ARPC2: variants seen among roughly 807,000 people sequenced by gnomAD.
The protein encoded by ARPC2 is actin-related protein 2/3 complex subunit 2.
ARPC2 carries 4 observed loss-of-function variants against 38.6 expected under a neutral mutation model. That is an observed-to-expected ratio of 0.10 (90% CI 0.05 to 0.24). ARPC2 has a LOEUF of 0.24. Among genes scored for constraint, ARPC2 ranks in the 10% least tolerant of loss-of-function variants. The probability of loss-of-function intolerance (pLI) is 1.00; values close to 1 mark genes in which losing one functional copy is unlikely to be tolerated. For synonymous variants in ARPC2, 125 were observed against 140.8 expected (o/e 0.89, Z 0.79); for missense variants, 229 against 387.3 (o/e 0.59, Z 3.43).
intron 2 of ARPC2, among the ~76,000 whole-genome samples, chr2:218,218,461 C>T (rs1039138793): frequency 1.3e-5 from 2 of 152,264 alleles, no homozygotes; most frequent in African/African-American, 4.8e-5. Context: ...ACAATCTGCT[C>T]CTCCAAAGCT....
rs146798684 is a variant in ARPC2 at position 218,235,224 on chromosome 2, A to G, written c.268+827A>G. 358 of 227,116 alleles carry G rather than the reference A, an allele frequency of 1.6e-3. 3 individuals carry two copies. Among genetic ancestry groups the G allele is most frequent in the South Asian group, 6.1e-3 (115 of 18,780 alleles). 14.1% of individuals were successfully genotyped at this position (227,116 alleles called of 1,614,324 possible). ...GTCTCATTCTGTTGCCCAGGCTGGAATGCAGTGGTACAGTCATAGCTCACT... is the reference window on the plus strand; with the variant it reads ...GTCTCATTCTGTTGCCCAGGCTGGAGTGCAGTGGTACAGTCATAGCTCACT... On this transcript the variant is annotated intron_variant, in intron 5 of 10. Transcript: ENST00000315717.
chr2:218,243,463 G>A (rs1320821084), intron 7 of ARPC2, among the ~76,000 whole-genome samples: 2 of 152,128 alleles, frequency 1.3e-5, no homozygotes, highest in African/African-American at 4.8e-5. Context: ...CTGAGGAGAA[G>A]CAAAGACATC....
intron 7 of ARPC2, 21 bp from the exon 8 acceptor site, chr2:218,245,399 G>C: frequency 6.2e-7 from 1 of 1,613,756 alleles, no homozygotes; most frequent in Non-Finnish European, 8.5e-7. Context: ...TCTTCTGGTT[G>C]CTTTTGCTTT....
Position 218,247,268 on chromosome 2 carries a change from G to A in ARPC2, c.676+1722G>A, listed in dbSNP as rs1194020500. Among the ~76,000 whole-genome samples the A allele has an allele frequency of 2.6e-5, 4 of 152,326 alleles. 1 individual carries two copies. The highest frequency in any genetic ancestry group is 2.0e-4 in the Admixed American group (3 of 15,298). ...CCACTTTTTCGCGGAATAAATTCAG[G>A]TCTTCCTTCAGTTGCTCCAGCCTCA... On this transcript the variant is annotated intron_variant, in intron 8 of 10. Transcript: ENST00000315717.
At chr2:218,226,929 CAGAG>C (rs1288126687) in intron 3 of ARPC2, 13 of 450,752 alleles carry the variant, frequency 2.9e-5, no homozygotes, top group Non-Finnish European at 5.4e-5. Context: ...TTCATCAAGT[CAGAG>C]AGAGATGTTG....
intron 4 of ARPC2, among the ~76,000 whole-genome samples, chr2:218,232,015 G>A (rs1217092661): frequency 6.6e-6 from 1 of 152,150 alleles, no homozygotes; most frequent in African/African-American, 2.4e-5. Context: ...CAAGACAGGT[G>A]GATTGCTTGA....
At chr2:218,248,801 T>A (rs543493969) in intron 8 of ARPC2, among the ~76,000 whole-genome samples, 1 of 152,316 alleles carries the variant, frequency 6.6e-6, no homozygotes, top group African/African-American at 2.4e-5. Context: ...CAGGGTGGAC[T>A]TCAGTCAGGC....
At chr2:218,219,184 A>G (rs935338180) in intron 2 of ARPC2, among the ~76,000 whole-genome samples, 3 of 152,230 alleles carry the variant, frequency 2.0e-5, no homozygotes, top group African/African-American at 7.2e-5. Context: ...ACATAGGAGT[A>G]CATTCTCATC....
chr2:218,247,803 C>T (rs1446543983), intron 8 of ARPC2, among the ~76,000 whole-genome samples: 4 of 151,712 alleles, frequency 2.6e-5, no homozygotes, highest in South Asian at 4.2e-4. Flanking sequence ...CTTAGCTGGG[C>T]GTGGTGGTGG....
At chr2:218,249,673 T>C (rs1355827406) in intron 9 of ARPC2, 148 bp from the exon 10 acceptor site, 3 of 815,376 alleles carry the variant, frequency 3.7e-6, no homozygotes, top group African/African-American at 3.5e-5. Flanking sequence ...GTTTCCAGAA[T>C]TGCTCACCTT....
At position 218,253,920 on chromosome 2, in the gene ARPC2, GGGA is replaced by G; in HGVS notation, c.*6_*8del. ...AAGACGTTTTCATCCCGCTAATCTT[GGGA>G]ATAAGAGGAGGAAGCGGCTGGCAAC... On this transcript the variant is annotated 3_prime_UTR_variant, in exon 11 of 11. Coordinates refer to ENST00000315717, the MANE Select transcript of ARPC2 (RefSeq NM_152862.3). 6.2e-7 allele frequency: 1 copy of G among 1,613,872 alleles called. No individual in the cohort carries two copies.
Position 218,249,393 on chromosome 2 carries a change from G to A in ARPC2, c.706G>A (p.Ala236Thr), listed in dbSNP as rs1342933002. 1 of 1,613,500 alleles carries A rather than the reference G, an allele frequency of 6.2e-7. No individual in the cohort carries two copies. The highest frequency in any genetic ancestry group is 8.5e-7 in the Non-Finnish European group (1 of 1,179,768). The change falls in exon 9 of 11, where the codon GCT becomes ACT. Residue 236 changes from alanine to threonine, a missense_variant. Transcript: ENST00000315717. ...VLFPRHTNAS[A>T]RDNTINLIHT... The stretch of plus-strand genomic sequence containing the variant: ...GTTCCCTCGTCACACCAATGCCAGT[G>A]CTCGAGACAACACCATCAACCTGAT...
chr2:218,228,666 G>A lies in ARPC2; in HGVS notation c.110-72G>A, dbSNP rs561016550. 2.2e-3 allele frequency: 1,955 copies of A among 906,886 alleles called. 56 individuals are homozygous for A. In the South Asian group the frequency reaches 0.028, roughly 13 times the overall value. 56.2% of individuals were successfully genotyped at this position (906,886 alleles called of 1,614,324 possible). A position where few individuals can be genotyped will look rare whatever the true frequency, so the allele number is the denominator to read the frequency against. Reference sequence around the variant, plus strand: ...AAAGTGGTCTTCCTTGTGGCCTACGGCAAGGTAGGCGCTTGGAGAGATTAT... The same window carrying A: ...AAAGTGGTCTTCCTTGTGGCCTACGACAAGGTAGGCGCTTGGAGAGATTAT... On this transcript the variant is annotated intron_variant, in intron 3 of 10. Transcript: ENST00000315717.
chr2:218,249,336 A>C (rs1690123587), intron 8 of ARPC2, 28 bp from the exon 9 acceptor site: 1 of 1,544,526 alleles, frequency 6.5e-7, no homozygotes, highest in African/African-American at 1.4e-5. Flanking sequence ...TCGTGTCCTG[A>C]CGCCTTGTTT....
intron 2 of ARPC2, among the ~76,000 whole-genome samples, chr2:218,223,474 T>TA (rs928043054): frequency 6.6e-6 from 1 of 152,166 alleles, no homozygotes; most frequent in Non-Finnish European, 1.5e-5. Flanking sequence ...TTCCTTTAAG[T>TA]AAAAAAAGTG....
At chr2:218,228,593 T>A in intron 3 of ARPC2, 145 bp from the exon 4 acceptor site, 2 of 527,024 alleles carry the variant, frequency 3.8e-6, no homozygotes. Context: ...TCTGCTGATT[T>A]GTCACATGGA....
At chr2:218,250,378 G>T (rs909853203) in intron 10 of ARPC2, among the ~76,000 whole-genome samples, 2 of 152,170 alleles carry the variant, frequency 1.3e-5, no homozygotes. Flanking sequence ...ATTGAGGAGA[G>T]CCGTGACGGG....
At chr2:218,248,059 C>T (rs890788789) in intron 8 of ARPC2, among the ~76,000 whole-genome samples, 3 of 151,962 alleles carry the variant, frequency 2.0e-5, no homozygotes, top group South Asian at 2.1e-4. Context: ...GGATTACAGG[C>T]GTGTGCCACT....
chr2:218,228,672 T>G, intron 3 of ARPC2, 66 bp from the exon 4 acceptor site: 1 of 969,532 alleles, frequency 1.0e-6, no homozygotes, highest in Non-Finnish European at 1.6e-6. Flanking sequence ...TACGGCAAGG[T>G]AGGCGCTTGG....
Sources: allele counts gnomAD v4.1 joint callset (sites outside exome capture counted in the v4.1 genomes callset), GRCh38; gene constraint gnomAD v4.1.1; transcripts MANE v1.5; gene names NCBI Gene and HGNC (gene_info 2026-07-23, HGNC 2026-07-21).